LTBP2: variants seen among roughly 807,000 people sequenced by gnomAD.
LTBP2 encodes the protein latent transforming growth factor beta binding protein 2.
LTBP2 carries 103 observed loss-of-function variants against 210.6 expected under a neutral mutation model. The observed-to-expected ratio is 0.49, with a 90% CI of 0.42 to 0.58. LTBP2 has a LOEUF of 0.58. Ranked by LOEUF, LTBP2 falls within the 20% of genes least tolerant of loss-of-function variation. LTBP2 has a pLI of 0.00. For synonymous variants in LTBP2, 1,007 were observed against 1,015.0 expected, an observed-to-expected ratio of 0.99 and a Z score of 0.15; for missense variants, 2,313 against 2,494.5, an observed-to-expected ratio of 0.93 and a Z score of 1.55.
At chr14:74,591,725 C>T (rs2088287233) in intron 2 of LTBP2, among the ~76,000 whole-genome samples, 1 of 152,166 alleles carries the variant, frequency 6.6e-6, no homozygotes, top group Non-Finnish European at 1.5e-5. Context: ...CAAAAGTCAC[C>T]CCTAAATGGT....
intron 18 of LTBP2, 30 bp downstream of exon 18, chr14:74,516,791 GC>G (rs3214268): frequency 5.2e-6 from 8 of 1,545,932 alleles, no homozygotes; most frequent in African/African-American, 1.4e-5. Context: ...TGGTGGGGTG[GC>G]AGGGCGCTTC....
intron 10 of LTBP2, among the ~76,000 whole-genome samples, chr14:74,530,587 C>G (rs2087338324): frequency 6.6e-6 from 1 of 152,236 alleles, no homozygotes; most frequent in Admixed American, 6.5e-5. Context: ...ACGATCTCGG[C>G]TCACTGCAAC....
chr14:74,538,722 C>T (rs868376165), intron 8 of LTBP2, among the ~76,000 whole-genome samples: 26 of 152,306 alleles, frequency 1.7e-4, no homozygotes, highest in Admixed American at 3.3e-4. Context: ...TAACGCTTAA[C>T]TTTTTTAAGA....
chr14:74,527,396 A>G (rs200058941), intron 12 of LTBP2, 30 bp from the exon 13 acceptor site: 2 of 1,603,678 alleles, frequency 1.2e-6, no homozygotes, highest in East Asian at 2.2e-5. Context: ...GCGTGAGCTC[A>G]GGGAGGAGGG....
At chr14:74,577,377 G>T (rs186473755) in intron 3 of LTBP2, among the ~76,000 whole-genome samples, 60 of 152,284 alleles carry the variant, frequency 3.9e-4, no homozygotes, top group Admixed American at 1.0e-3. Flanking sequence ...GACAGCGAAG[G>T]TCTGCCCTGG....
At chr14:74,570,309 A>G (rs764103055) in intron 3 of LTBP2, among the ~76,000 whole-genome samples, 1 of 152,144 alleles carries the variant, frequency 6.6e-6, no homozygotes, top group South Asian at 2.1e-4. Flanking sequence ...ATGCCCATGC[A>G]CAAGCTTAGC....
rs757035481 is a variant in LTBP2 at position 74,604,615 on chromosome 14, G to A, written c.495-910C>T. Among the ~76,000 whole-genome samples the A allele has an allele frequency of 2.5e-4, 38 of 149,710 alleles. No homozygotes were observed. In the East Asian group the frequency reaches 2.7e-3, roughly 11 times the overall value. Reference sequence around the variant, plus strand: ...GGCTGGAGTGCAATGTCGTGATCTCGGCTCATGGCAACCTCAGTCCTGCCA... The same window carrying A: ...GGCTGGAGTGCAATGTCGTGATCTCAGCTCATGGCAACCTCAGTCCTGCCA... On this transcript the variant is annotated intron_variant, in intron 1 of 35. Transcript: ENST00000261978.
At chr14:74,580,046 C>T (rs191963466) in intron 3 of LTBP2, among the ~76,000 whole-genome samples, 18 of 152,272 alleles carry the variant, frequency 1.2e-4, no homozygotes, top group Admixed American at 3.3e-4. Flanking sequence ...CCACATCTGA[C>T]GCTTTCTTGG....
intron 10 of LTBP2, among the ~76,000 whole-genome samples, chr14:74,532,155 T>C (rs1322776707): frequency 1.3e-5 from 2 of 151,498 alleles, no homozygotes; most frequent in Non-Finnish European, 2.9e-5. Flanking sequence ...GGAAAAAAAA[T>C]AAGAAATAGA....
chr14:74,503,135 T>C (rs1440010812), intron 33 of LTBP2, 84 bp downstream of exon 33: 5 of 1,579,064 alleles, frequency 3.2e-6, no homozygotes, highest in Non-Finnish European at 4.3e-6. Context: ...TCCTTCTTTC[T>C]AGATCCCCAG....
intron 1 of LTBP2, among the ~76,000 whole-genome samples, chr14:74,607,803 G>T (rs913628497): frequency 6.6e-6 from 1 of 152,124 alleles, no homozygotes; most frequent in Non-Finnish European, 1.5e-5. Context: ...TTAAATTCAG[G>T]GTAGTGGTTA....
intron 15 of LTBP2, among the ~76,000 whole-genome samples, chr14:74,523,507 G>A (rs905061219): frequency 6.6e-6 from 1 of 152,072 alleles, no homozygotes; most frequent in Non-Finnish European, 1.5e-5. Flanking sequence ...GAGGTATAGT[G>A]GGTCCTTAAA....
At chr14:74,577,569 C>T (rs1032579527) in intron 3 of LTBP2, among the ~76,000 whole-genome samples, 22 of 148,430 alleles carry the variant, frequency 1.5e-4, no homozygotes, top group Non-Finnish European at 2.7e-4. Flanking sequence ...AGTACAGTGG[C>T]GCAATCTCAG....
At chr14:74,517,919 G>A (rs1469592863) in intron 17 of LTBP2, among the ~76,000 whole-genome samples, 1 of 152,228 alleles carries the variant, frequency 6.6e-6, no homozygotes, top group Non-Finnish European at 1.5e-5. Context: ...AGCTGGCCCA[G>A]CTCTGCTGTA....
chr14:74,606,551 T>C (rs1449819744), intron 1 of LTBP2, among the ~76,000 whole-genome samples: 2 of 152,174 alleles, frequency 1.3e-5, no homozygotes, highest in Admixed American at 1.3e-4. Flanking sequence ...ACCTTCTTTG[T>C]ATAAAACCTC....
intron 17 of LTBP2, among the ~76,000 whole-genome samples, chr14:74,518,329 C>T (rs1024849452): frequency 3.3e-5 from 5 of 152,194 alleles, no homozygotes; most frequent in Non-Finnish European, 5.9e-5. Context: ...AATCCCAGCT[C>T]CTCAAGCCTG....
At chr14:74,588,595 G>A (rs2088240766) in intron 2 of LTBP2, among the ~76,000 whole-genome samples, 2 of 152,170 alleles carry the variant, frequency 1.3e-5, no homozygotes, top group Non-Finnish European at 2.9e-5. Context: ...TGTAGTGACT[G>A]TCTCTTACAC....
rs914287813 is a variant in LTBP2, at chr14:74,507,191, C to T, written c.3895G>A (p.Gly1299Arg). 83 of 1,614,032 alleles carry T rather than the reference C, an allele frequency of 5.1e-5. No individual in the cohort carries two copies. Among genetic ancestry groups the T allele is most frequent in the African/African-American group, 2.0e-4 (15 of 74,920 alleles). The part of the protein sequence containing the change: ...CQPGFHMAPN[G>R]DCIDIDECAN... ...CCTCCCTACTCACCAATGCAGTCTC[C>T]GTTCGGGGCCATGTGGAAGCCAGGC... Residue 1299 changes from glycine to arginine, a missense_variant, in exon 26 of 36, where the codon GGA becomes AGA. Coordinates refer to ENST00000261978, the MANE Select transcript of LTBP2 (RefSeq NM_000428.3).
chr14:74,584,126 G>A (rs2088173411), intron 3 of LTBP2, among the ~76,000 whole-genome samples: 1 of 152,186 alleles, frequency 6.6e-6, no homozygotes, highest in South Asian at 2.1e-4. Context: ...CCAGAGCACA[G>A]GCCACTGGGT....
Sources: allele counts gnomAD v4.1 joint callset (sites outside exome capture counted in the v4.1 genomes callset), GRCh38; gene constraint gnomAD v4.1.1; transcripts MANE v1.5; gene names NCBI Gene and HGNC (gene_info 2026-07-23, HGNC 2026-07-21).